The following ZFPM2 variants were observed in gnomAD, a reference collection of about 807,000 sequenced individuals.
ZFPM2 encodes the protein zinc finger protein, FOG family member 2.
ZFPM2 carries 20 observed loss-of-function variants against 98.6 expected under a neutral mutation model. That is an observed-to-expected ratio of 0.20 (90% CI 0.14 to 0.29). The LOEUF (loss-of-function observed/expected upper bound fraction) is 0.29, where lower values mean the gene tolerates loss of function less well. ZFPM2 is among the 10% of genes least tolerant of loss of function. ZFPM2 has a pLI of 1.00. For synonymous variants in ZFPM2, 518 were observed against 502.7 expected, an observed-to-expected ratio of 1.03 and a Z score of -0.41; for missense variants, 1,310 against 1,388.6, an observed-to-expected ratio of 0.94 and a Z score of 0.90.
chr8:105,720,098 G>A (rs1354132591), intron 5 of ZFPM2, among the ~76,000 whole-genome samples: 1 of 151,878 alleles, frequency 6.6e-6, no homozygotes, highest in Non-Finnish European at 1.5e-5. Context: ...TTAAAGATGC[G>A]ATAAGGTCCT....
At chr8:105,744,656 C>G (rs1812301892) in intron 5 of ZFPM2, among the ~76,000 whole-genome samples, 2 of 444 alleles carry the variant, frequency 4.5e-3, no homozygotes, top group Non-Finnish European at 9.3e-3. Flanking sequence ...ACAAAAAAAG[C>G]TTCCTTGAAG....
At chr8:105,613,381 T>G (rs1290092523) in intron 4 of ZFPM2, among the ~76,000 whole-genome samples, 1 of 151,966 alleles carries the variant, frequency 6.6e-6, no homozygotes, top group Non-Finnish European at 1.5e-5. Context: ...ACTATTAGAG[T>G]AAATGTCAAA....
At chr8:105,647,691 C>T (rs376613286) in intron 5 of ZFPM2, among the ~76,000 whole-genome samples, 5 of 152,066 alleles carry the variant, frequency 3.3e-5, no homozygotes, top group African/African-American at 1.2e-4. Flanking sequence ...TCCACGTCCC[C>T]ACAAAGGACA....
intron 2 of ZFPM2, among the ~76,000 whole-genome samples, chr8:105,441,827 G>T (rs1812257539): frequency 6.6e-6 from 1 of 152,070 alleles, no homozygotes; most frequent in Admixed American, 6.5e-5. Flanking sequence ...TTTCTGGATT[G>T]AGAGAAGCAG....
At chr8:105,752,637 G>T (rs1434215115) in intron 5 of ZFPM2, among the ~76,000 whole-genome samples, 1 of 152,084 alleles carries the variant, frequency 6.6e-6, no homozygotes, top group African/African-American at 2.4e-5. Context: ...TACTTAATCT[G>T]TTTTTAAAAT....
intron 1 of ZFPM2, among the ~76,000 whole-genome samples, chr8:105,337,038 G>A (rs922943736): frequency 2.0e-5 from 3 of 151,710 alleles, no homozygotes; most frequent in East Asian, 1.9e-4. Context: ...AAAGATCATC[G>A]AAGAAACCAG....
chr8:105,357,608 A>G (rs974317716), intron 1 of ZFPM2, among the ~76,000 whole-genome samples: 2 of 152,038 alleles, frequency 1.3e-5, no homozygotes, highest in Non-Finnish European at 2.9e-5. Flanking sequence ...TTTTTTTTCA[A>G]AGTCAGTTGG....
chr8:105,487,892 G>GTCTA (rs752314176), intron 3 of ZFPM2, among the ~76,000 whole-genome samples: 8,612 of 103,174 alleles, frequency 0.083, 324 homozygotes, highest in Admixed American at 0.13. Flanking sequence ...AAGTCTGTCT[G>GTCTA]TCTATCTATC....
intron 4 of ZFPM2, among the ~76,000 whole-genome samples, chr8:105,617,195 A>G (rs1304823694): frequency 6.6e-6 from 1 of 152,068 alleles, no homozygotes; most frequent in Non-Finnish European, 1.5e-5. Flanking sequence ...TGAGTATGCC[A>G]TAAACAATAC....
chr8:105,427,091 T>C (rs1223875278), intron 2 of ZFPM2, among the ~76,000 whole-genome samples: 3 of 152,210 alleles, frequency 2.0e-5, no homozygotes, highest in Non-Finnish European at 2.9e-5. Context: ...TGGAATGAGA[T>C]TGATTTTTTT....
intron 3 of ZFPM2, among the ~76,000 whole-genome samples, chr8:105,554,493 G>A (rs1814939018): frequency 6.6e-6 from 1 of 152,156 alleles, no homozygotes; most frequent in African/African-American, 2.4e-5. Context: ...GTCCATGTTT[G>A]ATACCATGAT....
chr8:105,731,089 C>G (rs1811924827), intron 5 of ZFPM2, among the ~76,000 whole-genome samples: 1 of 151,668 alleles, frequency 6.6e-6, no homozygotes, highest in Non-Finnish European at 1.5e-5. Flanking sequence ...TTGCTGTTCA[C>G]TTACATGTGG....
chr8:105,342,995 A>C (rs1045170393), intron 1 of ZFPM2, among the ~76,000 whole-genome samples: 1 of 152,072 alleles, frequency 6.6e-6, no homozygotes, highest in Non-Finnish European at 1.5e-5. Context: ...GACATACTAC[A>C]TGCCTGAAAA....
At chr8:105,377,745 A>C (rs1264417669) in intron 1 of ZFPM2, among the ~76,000 whole-genome samples, 8 of 152,156 alleles carry the variant, frequency 5.3e-5, no homozygotes, top group Middle Eastern at 3.4e-3. Context: ...GCACCACTGC[A>C]CACCAGCCTG....
intron 4 of ZFPM2, among the ~76,000 whole-genome samples, chr8:105,598,839 A>G (rs562194501): frequency 6.7e-6 from 1 of 149,010 alleles, no homozygotes; most frequent in Non-Finnish European, 1.5e-5. Context: ...ACTACATACA[A>G]AAAAAACTTT....
chr8:105,657,474 T>C (rs1817307860), intron 5 of ZFPM2, among the ~76,000 whole-genome samples: 1 of 152,150 alleles, frequency 6.6e-6, no homozygotes, highest in Non-Finnish European at 1.5e-5. Context: ...TTTTGCATTA[T>C]ACAGGACTAG....
chr8:105,543,842 G>A (rs1396620452), intron 3 of ZFPM2, among the ~76,000 whole-genome samples: 2 of 151,908 alleles, frequency 1.3e-5, no homozygotes, highest in Admixed American at 6.6e-5. Flanking sequence ...GATACTTTCC[G>A]TCATGAACCA....
At chr8:105,636,552 A>T (rs1236940143) in intron 5 of ZFPM2, among the ~76,000 whole-genome samples, 3 of 152,184 alleles carry the variant, frequency 2.0e-5, no homozygotes, top group Non-Finnish European at 2.9e-5. Flanking sequence ...TAAGTAAAAA[A>T]GTTTAGCTGT....
intron 5 of ZFPM2, among the ~76,000 whole-genome samples, chr8:105,667,845 G>A (rs942745449): frequency 1.3e-5 from 2 of 152,066 alleles, no homozygotes; most frequent in Non-Finnish European, 2.9e-5. Context: ...GTTTACTATT[G>A]TTATTTTTAA....
Sources: allele counts gnomAD v4.1 joint callset (sites outside exome capture counted in the v4.1 genomes callset), GRCh38; gene constraint gnomAD v4.1.1; transcripts MANE v1.5; gene names NCBI Gene and HGNC (gene_info 2026-07-23, HGNC 2026-07-21).